The following CHMP4C variants were observed in gnomAD, a reference collection of about 807,000 sequenced individuals.
CHMP4C encodes charged multivesicular body protein 4C.
Under a neutral mutation model 29.0 loss-of-function variants are expected in CHMP4C, and 28 were observed. That is an observed-to-expected ratio of 0.97 (90% CI 0.72 to 1.32). The LOEUF (loss-of-function observed/expected upper bound fraction) is 1.32, where lower values mean the gene tolerates loss of function less well. CHMP4C is among the 40% of genes most tolerant of loss of function. CHMP4C has a pLI of 0.00. For missense variants in CHMP4C, 291 were observed against 281.0 expected, an observed-to-expected ratio of 1.04 and a Z score of -0.25; for synonymous variants, 106 against 102.4, an observed-to-expected ratio of 1.04 and a Z score of -0.21.
Position 81,732,648 on chromosome 8 carries a change from T to G in CHMP4C, c.22T>G (p.Phe8Val). 2.6e-6 allele frequency: 4 copies of G among 1,556,942 alleles called. No homozygotes were observed. Among genetic ancestry groups the G allele is most frequent in the Non-Finnish European group, 3.5e-6 (4 of 1,151,020 alleles). The change falls in exon 1 of 5, where the codon TTT (phenylalanine) becomes GTT (valine). Residue 8 changes from phenylalanine to valine, a missense_variant. By Grantham distance (50) the Phe-to-Val change is conservative. Coordinates refer to ENST00000297265, the MANE Select transcript of CHMP4C (RefSeq NM_152284.4). MSKLGKF[F>V]KGGGSSKSRA... ...AGCAATGAGCAAGTTGGGCAAGTTC[T>G]TTAAAGGGGGCGGCTCTTCTAAGAG... is the stretch of plus-strand genomic sequence containing the variant.
rs1808819920 is a variant in CHMP4C, at chr8:81,746,110, T to C, written c.191-6954T>C. Among the ~76,000 whole-genome samples, 4 of 152,122 alleles carry C rather than the reference T, an allele frequency of 2.6e-5. No homozygotes were observed. The South Asian group carries it at 8.3e-4, about 32-fold the overall frequency. ...AGCTCACTGAGAGACTCACATACAC[T>C]TCTTGGTTATTTAAAACAAAAGCCT... On this transcript the variant is annotated intron_variant, in intron 1 of 4. Transcript: ENST00000297265.
intron 2 of CHMP4C, 86 bp downstream of exon 2, chr8:81,753,327 A>G: frequency 2.0e-6 from 2 of 1,017,348 alleles, no homozygotes; most frequent in Non-Finnish European, 2.7e-6. Flanking sequence ...TTTGGCAGGA[A>G]TGGGTTTACT....
At chr8:81,748,171 C>T (rs540862516) in intron 1 of CHMP4C, among the ~76,000 whole-genome samples, 201 of 152,302 alleles carry the variant, frequency 1.3e-3, no homozygotes, top group African/African-American at 4.6e-3. Context: ...CTGCCCGGCT[C>T]ACTGGCAGTC....
intron 1 of CHMP4C, among the ~76,000 whole-genome samples, chr8:81,733,664 G>A (rs1808648059): frequency 1.3e-5 from 2 of 152,162 alleles, no homozygotes; most frequent in African/African-American, 4.8e-5. Flanking sequence ...AGAGTTAACT[G>A]ATTTCTTCAG....
intron 3 of CHMP4C, among the ~76,000 whole-genome samples, chr8:81,757,231 G>A (rs985361717): frequency 6.6e-6 from 1 of 152,124 alleles, no homozygotes; most frequent in African/African-American, 2.4e-5. Context: ...ATCTGCCCAG[G>A]AGTGAGTGCT....
intron 3 of CHMP4C, among the ~76,000 whole-genome samples, chr8:81,757,238 T>G (rs1808983623): frequency 6.6e-6 from 1 of 152,120 alleles, no homozygotes; most frequent in African/African-American, 2.4e-5. Flanking sequence ...CAGGAGTGAG[T>G]GCTCAATGAA....
At chr8:81,734,713 G>A (rs1483578365) in intron 1 of CHMP4C, among the ~76,000 whole-genome samples, 1 of 152,048 alleles carries the variant, frequency 6.6e-6, no homozygotes. Flanking sequence ...AAGACAGAGT[G>A]CAAAATAATG....
intron 1 of CHMP4C, 53 bp downstream of exon 1, chr8:81,732,869 C>G: frequency 6.5e-7 from 1 of 1,538,770 alleles, no homozygotes; most frequent in Non-Finnish European, 8.8e-7. Context: ...TAGCCTTTCC[C>G]TTGGGGACAA....
At chr8:81,739,348 A>G in intron 1 of CHMP4C, among the ~76,000 whole-genome samples, 1 of 119,664 alleles carries the variant, frequency 8.4e-6, no homozygotes, top group East Asian at 2.6e-4. Context: ...ATTAAAATAC[A>G]TTTCTTTGTG....
chr8:81,756,820 T>C (rs1808978783), intron 3 of CHMP4C, among the ~76,000 whole-genome samples: 1 of 152,146 alleles, frequency 6.6e-6, no homozygotes, highest in African/African-American at 2.4e-5. Context: ...ATATTTATGG[T>C]ATTTGTCCCT....
rs148175692 is a variant in CHMP4C at position 81,744,539 on chromosome 8, T to C, written c.191-8525T>C. On this transcript the variant is annotated intron_variant, in intron 1 of 4. Coordinates refer to ENST00000297265, the MANE Select transcript of CHMP4C (RefSeq NM_152284.4). ...AAGGCCTGTTGAACAAGGTTACTGCTACAGCGATGTCTGTGAAGCCTTCCC... is the reference window on the plus strand; with the variant it reads ...AAGGCCTGTTGAACAAGGTTACTGCCACAGCGATGTCTGTGAAGCCTTCCC... Among the ~76,000 whole-genome samples the C allele has an allele frequency of 2.6e-4, 39 of 152,288 alleles. No individual in the cohort carries two copies. In the East Asian group the frequency reaches 6.6e-3, roughly 26 times the overall value.
intron 3 of CHMP4C, among the ~76,000 whole-genome samples, chr8:81,757,149 C>T (rs748508879): frequency 1.3e-5 from 2 of 152,114 alleles, no homozygotes; most frequent in African/African-American, 4.8e-5. Flanking sequence ...TGCCTTCCCC[C>T]CACATTTGAG....
At chr8:81,758,066 G>A in intron 3 of CHMP4C, 76 bp from the exon 4 acceptor site, 8 of 1,359,002 alleles carry the variant, frequency 5.9e-6, no homozygotes, top group Non-Finnish European at 8.2e-6. Flanking sequence ...GGTAGCAGAT[G>A]TTCTTGTTAT....
At chr8:81,739,213 C>A (rs1808730286) in intron 1 of CHMP4C, among the ~76,000 whole-genome samples, 1 of 150,832 alleles carries the variant, frequency 6.6e-6, no homozygotes, top group Non-Finnish European at 1.5e-5. Flanking sequence ...TCTCCTGCCT[C>A]AGCCTCCTGA....
chr8:81,755,623 TAA>T (rs1808962673), intron 3 of CHMP4C, 139 bp downstream of exon 3: 3 of 514,840 alleles, frequency 5.8e-6, no homozygotes, highest in Non-Finnish European at 1.1e-5. Flanking sequence ...AAGAGAAAAA[TAA>T]AGTGTTAGTA....
intron 1 of CHMP4C, among the ~76,000 whole-genome samples, chr8:81,742,100 A>T (rs1431543418): frequency 1.3e-5 from 2 of 152,214 alleles, no homozygotes; most frequent in African/African-American, 2.4e-5. Flanking sequence ...AAGAGCTATT[A>T]TACCTAGACC....
At chr8:81,751,785 A>G (rs1012818619) in intron 1 of CHMP4C, among the ~76,000 whole-genome samples, 5 of 152,142 alleles carry the variant, frequency 3.3e-5, no homozygotes, top group Admixed American at 1.3e-4. Flanking sequence ...GACTATCTAA[A>G]TGGGTCAAAA....
chr8:81,732,959 G>A (rs533697753), intron 1 of CHMP4C, 143 bp downstream of exon 1: 8 of 708,656 alleles, frequency 1.1e-5, no homozygotes, highest in East Asian at 5.6e-5. Context: ...GACTCTTAGG[G>A]CACTGACTAG....
intron 1 of CHMP4C, among the ~76,000 whole-genome samples, chr8:81,744,334 T>TG (rs930726809): frequency 6.6e-6 from 1 of 152,194 alleles, no homozygotes; most frequent in African/African-American, 2.4e-5. Context: ...GAGAAAGGGT[T>TG]GGGGGTGGAA....
Sources: gnomAD v4.1 joint callset for allele counts (sites outside exome capture counted in the v4.1 genomes callset) on GRCh38, gnomAD v4.1.1 for gene constraint, MANE v1.5 for transcripts, NCBI Gene and HGNC (gene_info 2026-07-23, HGNC 2026-07-21) for gene names.